Variants in MAGI2 observed in about 807,000 individuals in gnomAD.
MAGI2 encodes the protein membrane-associated guanylate kinase, WW and PDZ domain-containing protein 2.
Under a neutral mutation model 133.3 loss-of-function variants are expected in MAGI2, and 35 were observed. That is an observed-to-expected ratio of 0.26 (90% CI 0.20 to 0.35). The LOEUF (loss-of-function observed/expected upper bound fraction) is 0.35. MAGI2 is among the 10% of genes least tolerant of loss of function. MAGI2 has a pLI of 1.00. For missense variants in MAGI2, 1,636 were observed against 1,863.4 expected (o/e 0.88, Z 2.25); for synonymous variants, 729 against 710.6 (o/e 1.03, Z -0.41).
chr7:78,354,492 CAGG>C (rs1469684423), intron 7 of MAGI2, among the ~76,000 whole-genome samples: 2 of 152,080 alleles, frequency 1.3e-5, no homozygotes, highest in African/African-American at 2.4e-5. Flanking sequence ...AGGAGGGAAT[CAGG>C]AGAAGAATGC....
chr7:78,729,294 A>G (rs1233959528), intron 2 of MAGI2, among the ~76,000 whole-genome samples: 1 of 152,244 alleles, frequency 6.6e-6, no homozygotes, highest in African/African-American at 2.4e-5. Flanking sequence ...ATAATATGAT[A>G]CAACACATTA....
intron 2 of MAGI2, among the ~76,000 whole-genome samples, chr7:78,787,055 T>C (rs768734523): frequency 3.3e-5 from 5 of 152,014 alleles, no homozygotes; most frequent in African/African-American, 4.8e-5. Flanking sequence ...TTAAGCGATT[T>C]TCCTGCCTCA....
chr7:78,961,230 T>A (rs1802808883), intron 2 of MAGI2, among the ~76,000 whole-genome samples: 2 of 152,222 alleles, frequency 1.3e-5, no homozygotes, highest in Non-Finnish European at 2.9e-5. Flanking sequence ...CTGATCTCTC[T>A]CCTTCTTTCC....
chr7:78,065,063 G>T (rs1813676020), intron 21 of MAGI2, among the ~76,000 whole-genome samples: 1 of 152,058 alleles, frequency 6.6e-6, no homozygotes, highest in Non-Finnish European at 1.5e-5. Context: ...AGGAAGGAAG[G>T]TGACAGGATC....
At chr7:78,700,427 CCTAAAA>C (rs1817949392) in intron 2 of MAGI2, among the ~76,000 whole-genome samples, 1 of 152,038 alleles carries the variant, frequency 6.6e-6, no homozygotes, top group Non-Finnish European at 1.5e-5. Flanking sequence ...TTATCTTCTT[CCTAAAA>C]CTAAGTTCTT....
chr7:79,122,047 G>A (rs1819948600), intron 1 of MAGI2, among the ~76,000 whole-genome samples: 1 of 152,034 alleles, frequency 6.6e-6, no homozygotes, highest in Non-Finnish European at 1.5e-5. Context: ...ATTGATTTCT[G>A]CATATAAATG....
chr7:78,246,684 T>C (rs746832473), intron 10 of MAGI2, among the ~76,000 whole-genome samples: 3 of 152,304 alleles, frequency 2.0e-5, no homozygotes, highest in Non-Finnish European at 4.4e-5. Context: ...GATGCTGCTG[T>C]GTTCCACCAC....
chr7:78,294,017 T>C (rs953301959), intron 9 of MAGI2, among the ~76,000 whole-genome samples: 4 of 152,164 alleles, frequency 2.6e-5, no homozygotes, highest in African/African-American at 4.8e-5. Flanking sequence ...ACATGGCACA[T>C]GTATACAAAT....
intron 6 of MAGI2, among the ~76,000 whole-genome samples, chr7:78,412,989 T>C (rs929156915): frequency 3.3e-5 from 5 of 152,060 alleles, no homozygotes; most frequent in African/African-American, 1.2e-4. Context: ...TCTCAACAAA[T>C]GGGAACCTTT....
chr7:79,172,845 T>A (rs1825745188), intron 1 of MAGI2: 1 of 151,986 alleles, frequency 6.6e-6, no homozygotes, highest in East Asian at 1.9e-4. Flanking sequence ...TGCACAACCA[T>A]CAGAAAAGCA....
chr7:78,553,162 C>T (rs554151289), intron 3 of MAGI2, among the ~76,000 whole-genome samples: 6 of 150,248 alleles, frequency 4.0e-5, no homozygotes, highest in East Asian at 3.9e-4. Flanking sequence ...AAAAGGGTAA[C>T]GGCCTAGGTT....
intron 14 of MAGI2, among the ~76,000 whole-genome samples, chr7:78,176,908 G>GACTCTCTC (rs781171770): frequency 7.7e-6 from 1 of 130,432 alleles, no homozygotes; most frequent in African/African-American, 2.9e-5. Flanking sequence ...ACCATATATA[G>GACTCTCTC]ACACACACAC....
In MAGI2 at chr7:79,251,193, A is replaced by T. The variant is rs137960618; in HGVS notation, c.301+201827T>A. ...TGGACTTGGCAACAATTTTTTTAGTAGTACCCAACAGGCACAGACATCCAA... is the reference window on the plus strand; with the variant it reads ...TGGACTTGGCAACAATTTTTTTAGTTGTACCCAACAGGCACAGACATCCAA... On this transcript the variant is annotated intron_variant, in intron 1 of 21. Coordinates refer to ENST00000354212, the MANE Select transcript of MAGI2 (RefSeq NM_012301.4). Among the ~76,000 whole-genome samples, 16 of 152,288 alleles carry T rather than the reference A, an allele frequency of 1.1e-4. 1 individual carries two copies. The East Asian group carries it at 2.9e-3, about 28-fold the overall frequency.
chr7:78,457,990 C>T (rs10485893), intron 6 of MAGI2, among the ~76,000 whole-genome samples: 32,292 of 151,996 alleles, frequency 0.21, 3,467 homozygotes, highest in Admixed American at 0.28. Flanking sequence ...ATAGTCTACA[C>T]ATAGTTTAAA....
rs150283587 is a variant in MAGI2, at chr7:79,215,426, A to T, written c.302-208220T>A. On this transcript the variant is annotated intron_variant, in intron 1 of 21. Coordinates refer to ENST00000354212, the MANE Select transcript of MAGI2 (RefSeq NM_012301.4). ...AAATGAAGAGTCTGGCACCTTTTTA[A>T]GTCTGATAAGAAACATTTACCATCT... Among the ~76,000 whole-genome samples, 432 of 152,104 alleles carry T rather than the reference A, an allele frequency of 2.8e-3. 6 individuals carry two copies. The highest frequency in any genetic ancestry group is 0.01 in the African/African-American group (416 of 41,400).
chr7:78,558,899 T>C (rs982594733), intron 3 of MAGI2, among the ~76,000 whole-genome samples: 7 of 149,468 alleles, frequency 4.7e-5, no homozygotes, highest in Non-Finnish European at 8.9e-5. Context: ...GACTTTAAAG[T>C]GCCATTTATT....
intron 10 of MAGI2, among the ~76,000 whole-genome samples, chr7:78,219,442 T>A (rs1788587374): frequency 6.6e-6 from 1 of 152,186 alleles, no homozygotes; most frequent in Admixed American, 6.5e-5. Flanking sequence ...ACCTGCTTCC[T>A]CCATCTGCAC....
At chr7:78,444,279 A>G (rs892688278) in intron 6 of MAGI2, among the ~76,000 whole-genome samples, 1 of 152,134 alleles carries the variant, frequency 6.6e-6, no homozygotes, top group Non-Finnish European at 1.5e-5. Context: ...ATCACAAATC[A>G]TAAGTGAAAA....
intron 6 of MAGI2, among the ~76,000 whole-genome samples, chr7:78,470,304 C>T (rs998598556): frequency 2.0e-5 from 3 of 152,024 alleles, no homozygotes; most frequent in African/African-American, 4.8e-5. Context: ...TATATCCAGG[C>T]CACCCATTAA....
Sources: allele counts gnomAD v4.1 joint callset (sites outside exome capture counted in the v4.1 genomes callset), GRCh38; gene constraint gnomAD v4.1.1; transcripts MANE v1.5; gene names NCBI Gene and HGNC (gene_info 2026-07-23, HGNC 2026-07-21).